The following NF1 variants were observed in gnomAD, a reference collection of about 807,000 sequenced individuals.
NF1 encodes the protein neurofibromin.
Under a neutral mutation model 325.7 loss-of-function variants are expected in NF1, and 122 were observed. That is an observed-to-expected ratio of 0.37 (90% CI 0.32 to 0.44). The LOEUF is 0.44. Among genes scored for constraint, NF1 ranks in the 20% least tolerant of loss-of-function variants. NF1 has a pLI of 1.00. For synonymous variants in NF1, 1,091 were observed against 1,186.0 expected (o/e 0.92, Z 1.65); for missense variants, 2,140 against 3,415.4 (o/e 0.63, Z 9.31).
At chr17:31,165,439 G>T (rs2065829385) in intron 4 of NF1, among the ~76,000 whole-genome samples, 1 of 152,110 alleles carries the variant, frequency 6.6e-6, no homozygotes, top group African/African-American at 2.4e-5. Context: ...CCATTATGAT[G>T]GTTTAGTTTA....
intron 8 of NF1, among the ~76,000 whole-genome samples, chr17:31,193,609 A>G (rs1212352871): frequency 1.3e-5 from 2 of 152,210 alleles, no homozygotes; most frequent in African/African-American, 2.4e-5. Context: ...TTTGCAAAGT[A>G]TGTATCCAGC....
chr17:31,198,499 A>G (rs1354418794), intron 8 of NF1, among the ~76,000 whole-genome samples: 1 of 152,152 alleles, frequency 6.6e-6, no homozygotes, highest in African/African-American at 2.4e-5. Context: ...GTGTGTTTGT[A>G]GAAATTTGTC....
chr17:31,323,398 GAA>G (rs747488970), intron 36 of NF1, among the ~76,000 whole-genome samples: 1 of 142,008 alleles, frequency 7.0e-6, no homozygotes. Flanking sequence ...TGAGTTAAGG[GAA>G]AAAAAAAAAA....
chr17:31,364,957 A>G (rs2070481690), intron 57 of NF1, among the ~76,000 whole-genome samples: 1 of 152,214 alleles, frequency 6.6e-6, no homozygotes, highest in Admixed American at 6.5e-5. Context: ...TATTAGGTCC[A>G]GTCTAGCTGA....
chr17:31,263,116 TAGATAGATA>T (rs1196455291), intron 35 of NF1, among the ~76,000 whole-genome samples: 20 of 80,030 alleles, frequency 2.5e-4, no homozygotes, highest in African/African-American at 7.8e-4. Flanking sequence ...GGTAGATAGA[TAGATAGATA>T]AGATAAGATA....
At chr17:31,151,539 T>C (rs1446104729) in intron 1 of NF1, among the ~76,000 whole-genome samples, 1 of 152,188 alleles carries the variant, frequency 6.6e-6, no homozygotes, top group East Asian at 1.9e-4. Flanking sequence ...TCTGGGACAT[T>C]GGTTCCAGGA....
At chr17:31,218,281 A>G (rs546726522) in intron 13 of NF1, among the ~76,000 whole-genome samples, 1 of 152,328 alleles carries the variant, frequency 6.6e-6, no homozygotes, top group South Asian at 2.1e-4. Context: ...CATATTGTTG[A>G]TGTAATTTTT....
rs771507034 is a variant in NF1, at chr17:31,233,168, C to T, written c.3663C>T (p.Leu1221=). 1 of 1,614,098 alleles carries T rather than the reference C, an allele frequency of 6.2e-7. No homozygotes were observed. The highest frequency in any genetic ancestry group is 1.1e-5 in the South Asian group (1 of 91,044). The change falls in exon 27 of 58, where the codon CTC becomes CTT. Residue 1221 remains leucine, a synonymous_variant. Transcript: ENST00000358273. The part of the protein sequence containing the change: ...LVTMMGDQGE[L]PIAMALANVV... ...CAATGATGGGTGATCAAGGAGAACT[C>T]CCTATAGCGATGGCTCTGGCCAATG... is the stretch of plus-strand genomic sequence containing the variant.
At chr17:31,293,207 A>AAAAAAAAAAAAAAAAAC (rs1326132503) in intron 36 of NF1, among the ~76,000 whole-genome samples, 2 of 131,906 alleles carry the variant, frequency 1.5e-5, no homozygotes, top group Non-Finnish European at 3.2e-5. Flanking sequence ...AAAAAAAAAA[A>AAAAAAAAAAAAAAAAAC]AAAAGAAACC....
At chr17:31,169,007 T>C (rs2065890534) in intron 4 of NF1, among the ~76,000 whole-genome samples, 1 of 152,200 alleles carries the variant, frequency 6.6e-6, no homozygotes, top group Non-Finnish European at 1.5e-5. Flanking sequence ...CATTATTCGT[T>C]ATCAGAATGA....
Position 31,252,956 on chromosome 17 carries a change from C to A in NF1, c.4129C>A (p.Leu1377Met). Residue 1377 changes from leucine (L) to methionine (M), a missense_variant, in exon 31 of 58, where the codon CTG becomes ATG. Leu to Met is a conservative substitution (Grantham distance 15). Coordinates refer to ENST00000358273, the MANE Select transcript of NF1 (RefSeq NM_001042492.3). Reference sequence around the variant, plus strand: ...TCTGTAGGCAACTTGCCACTCCCTACTGAATAAAGCTACAGTAAAAGAAAA... The same window carrying A: ...TCTGTAGGCAACTTGCCACTCCCTAATGAATAAAGCTACAGTAAAAGAAAA... ...CLYQATCHSLLNKATVKEKKE... is the reference protein window; with the variant it reads ...CLYQATCHSLMNKATVKEKKE... 1 of 1,613,554 alleles carries A rather than the reference C, an allele frequency of 6.2e-7. No homozygotes were observed. Among genetic ancestry groups the A allele is most frequent in the African/African-American group, 1.3e-5 (1 of 75,006 alleles).
At chr17:31,280,538 AAAGT>A (rs2068098088) in intron 36 of NF1, among the ~76,000 whole-genome samples, 1 of 149,032 alleles carries the variant, frequency 6.7e-6, no homozygotes, top group Non-Finnish European at 1.5e-5. Flanking sequence ...AAAAAAAAAA[AAAGT>A]AAGAATCATA....
At chr17:31,280,516 C>CAA (rs57193583) in intron 36 of NF1, among the ~76,000 whole-genome samples, 40 of 79,370 alleles carry the variant, frequency 5.0e-4, no homozygotes, top group Middle Eastern at 7.5e-3. Flanking sequence ...GACTCTGTCT[C>CAA]AAAAAAAAAA....
intron 50 of NF1, among the ~76,000 whole-genome samples, chr17:31,351,057 A>G (rs1381149631): frequency 2.0e-5 from 3 of 152,298 alleles, no homozygotes; most frequent in Non-Finnish European, 2.9e-5. Context: ...ATGGTATTCA[A>G]TAGTCTTACT....
intron 1 of NF1, among the ~76,000 whole-genome samples, chr17:31,148,417 G>A (rs1186155809): frequency 3.6e-5 from 5 of 139,744 alleles, no homozygotes; most frequent in Non-Finnish European, 7.7e-5. Context: ...TTTTCCTCCA[G>A]ACATAGAAGC....
intron 21 of NF1, 130 bp downstream of exon 21, chr17:31,229,595 A>G (rs2067077501): frequency 8.6e-7 from 1 of 1,167,186 alleles, no homozygotes; most frequent in African/African-American, 1.5e-5. Flanking sequence ...TTGCAGAAAG[A>G]AGAGTCATCT....
intron 36 of NF1, among the ~76,000 whole-genome samples, chr17:31,288,522 G>GTTTTT (rs200926157): frequency 1.6e-3 from 192 of 119,578 alleles, no homozygotes; most frequent in Non-Finnish European, 2.9e-3. Flanking sequence ...TTTTTGCTTT[G>GTTTTT]TTTTTTTTTT....
intron 9 of NF1, 108 bp downstream of exon 9, chr17:31,200,703 C>T (rs917879803): frequency 4.4e-5 from 55 of 1,260,088 alleles, no homozygotes; most frequent in African/African-American, 8.9e-5. Context: ...TCTGACTCTT[C>T]GTTGATAAGT....
In NF1 at chr17:31,099,407, A is replaced by G. The variant is rs73271655; in HGVS notation, c.60+4038A>G. Among the ~76,000 whole-genome samples the G allele has an allele frequency of 7.8e-3, 1,194 of 152,268 alleles. 21 individuals carry two copies. The highest frequency in any genetic ancestry group is 0.027 in the African/African-American group (1,142 of 41,558). On this transcript the variant is annotated intron_variant, in intron 1 of 57. Transcript: ENST00000358273. The stretch of plus-strand genomic sequence containing the variant: ...ATGAGTATTACCAATTTTAGAAGTA[A>G]TCACCTCCTTGGTTAGGGAAATGAC...
Sources: allele counts gnomAD v4.1 joint callset (sites outside exome capture counted in the v4.1 genomes callset), GRCh38; gene constraint gnomAD v4.1.1; transcripts MANE v1.5; gene names NCBI Gene and HGNC (gene_info 2026-07-23, HGNC 2026-07-21).